The following ROR1 variants were observed in gnomAD, a reference collection of about 807,000 sequenced individuals.
ROR1 encodes the protein ROR family WNT receptor 1, also known as inactive tyrosine-protein kinase transmembrane receptor ROR1.
A neutral mutation model predicts 78.8 loss-of-function variants in ROR1; 19 were observed. The ratio of observed to expected loss-of-function variants is 0.24; its 90% CI spans 0.17 to 0.35. The LOEUF is 0.35. Ranked by LOEUF, ROR1 falls within the 10% of genes least tolerant of loss-of-function variation. ROR1 has a pLI of 1.00. For missense variants in ROR1, 917 were observed against 1,177.8 expected (o/e 0.78, Z 3.24); for synonymous variants, 386 against 433.6 (o/e 0.89, Z 1.36).
chr1:64,092,212 C>T (rs1365551687), intron 4 of ROR1, among the ~76,000 whole-genome samples: 1 of 150,176 alleles, frequency 6.7e-6, no homozygotes, highest in Admixed American at 6.8e-5. Context: ...AAGAAAGAAA[C>T]TTCACAGAGA....
chr1:63,856,145 A>G (rs954185916), intron 1 of ROR1, among the ~76,000 whole-genome samples: 3 of 149,622 alleles, frequency 2.0e-5, no homozygotes, highest in Non-Finnish European at 4.4e-5. Context: ...GTAATTTTTG[A>G]TTAGATGCCA....
At chr1:63,828,530 GT>G (rs1644968758) in intron 1 of ROR1, among the ~76,000 whole-genome samples, 1 of 152,104 alleles carries the variant, frequency 6.6e-6, no homozygotes. Flanking sequence ...TTCACTACCT[GT>G]TTTTTCATTT....
At chr1:64,081,878 G>C (rs1328199338) in intron 4 of ROR1, among the ~76,000 whole-genome samples, 1 of 151,454 alleles carries the variant, frequency 6.6e-6, no homozygotes, top group East Asian at 1.9e-4. Context: ...ATAGAAAAAA[G>C]TCTGGAGGGA....
At chr1:63,784,660 C>T (rs1249340151) in intron 1 of ROR1, among the ~76,000 whole-genome samples, 4 of 152,172 alleles carry the variant, frequency 2.6e-5, no homozygotes, top group African/African-American at 9.7e-5. Flanking sequence ...CTCACTACTG[C>T]TCTGCCAGGT....
intron 1 of ROR1, among the ~76,000 whole-genome samples, chr1:63,950,232 T>G (rs1645923980): frequency 6.6e-6 from 1 of 152,174 alleles, no homozygotes; most frequent in Admixed American, 6.5e-5. Flanking sequence ...ATTAAAGGAA[T>G]AAAAGAATGA....
rs561416676 is a variant in ROR1, at chr1:63,998,697, C to A, written c.92-10608C>A. ...GTACATTAGGCTAACCCTCCATTCC[C>A]AGCAGATATTTATGTTGCTAGGGAA... On this transcript the variant is annotated intron_variant, in intron 1 of 8. Transcript: ENST00000371079. 3.9e-5 allele frequency among the ~76,000 whole-genome samples: 6 copies of A among 152,254 alleles called. No homozygotes were observed. In the East Asian group the frequency reaches 9.7e-4, roughly 25 times the overall value.
intron 1 of ROR1, among the ~76,000 whole-genome samples, chr1:63,931,813 T>C (rs764567925): frequency 1.3e-5 from 2 of 152,322 alleles, no homozygotes; most frequent in Middle Eastern, 3.4e-3. Context: ...GCAAGAGTAG[T>C]GATGCTGGCA....
At chr1:64,157,566 G>A (rs921878604) in intron 7 of ROR1, among the ~76,000 whole-genome samples, 14 of 152,126 alleles carry the variant, frequency 9.2e-5, no homozygotes, top group Non-Finnish European at 2.1e-4. Context: ...TAACTGATAT[G>A]CCATATCTCA....
intron 1 of ROR1, among the ~76,000 whole-genome samples, chr1:64,002,371 A>ATCCT (rs1161326531): frequency 1.3e-5 from 2 of 152,032 alleles, no homozygotes; most frequent in Non-Finnish European, 2.9e-5. Context: ...TGACCTTGTG[A>ATCCT]TCCTAGCCTC....
intron 4 of ROR1, among the ~76,000 whole-genome samples, chr1:64,076,195 C>T (rs993928221): frequency 1.3e-5 from 2 of 152,162 alleles, no homozygotes; most frequent in African/African-American, 2.4e-5. Context: ...CAAATCAAAG[C>T]CCCAACCTCT....
intron 1 of ROR1, among the ~76,000 whole-genome samples, chr1:63,931,889 T>C (rs926458809): frequency 6.6e-6 from 1 of 152,214 alleles, no homozygotes. Flanking sequence ...AATTTATAAA[T>C]GATACTTTAT....
intron 4 of ROR1, among the ~76,000 whole-genome samples, chr1:64,089,057 C>CT (rs1308801749): frequency 6.6e-6 from 1 of 151,482 alleles, no homozygotes; most frequent in East Asian, 1.9e-4. Flanking sequence ...TATTATAATA[C>CT]TTTTATTGGT....
chr1:63,851,518 T>G (rs1171824769), intron 1 of ROR1, among the ~76,000 whole-genome samples: 1 of 152,202 alleles, frequency 6.6e-6, no homozygotes, highest in Non-Finnish European at 1.5e-5. Context: ...TGCAAAATTC[T>G]AATCTAATTA....
At chr1:64,092,355 G>C (rs1647206431) in intron 4 of ROR1, among the ~76,000 whole-genome samples, 1 of 152,150 alleles carries the variant, frequency 6.6e-6, no homozygotes, top group African/African-American at 2.4e-5. Context: ...CCTGGCTTTA[G>C]CTTTGGTCTC....
intron 1 of ROR1, among the ~76,000 whole-genome samples, chr1:63,938,105 T>A (rs909340665): frequency 2.0e-5 from 3 of 152,138 alleles, no homozygotes; most frequent in African/African-American, 7.2e-5. Context: ...ATCCGTGGGT[T>A]CTGGATCCAT....
chr1:63,943,821 A>C (rs984204928), intron 1 of ROR1, among the ~76,000 whole-genome samples: 2 of 152,256 alleles, frequency 1.3e-5, no homozygotes, highest in Non-Finnish European at 2.9e-5. Flanking sequence ...TAGAAAAGTT[A>C]TGATAATGCA....
rs12038329 is a variant in ROR1, at chr1:63,871,766, C to A, written c.91+97258C>A. ...ACTATGTTCATTTTCCCATGCTTATCCCTACTGGAGACTGATGGGTTTACA... is the reference window on the plus strand; with the variant it reads ...ACTATGTTCATTTTCCCATGCTTATACCTACTGGAGACTGATGGGTTTACA... On this transcript the variant is annotated intron_variant, in intron 1 of 8. Transcript: ENST00000371079. 1.4e-3 allele frequency among the ~76,000 whole-genome samples: 208 copies of A among 152,308 alleles called. 2 individuals carry two copies. In the East Asian group the frequency reaches 0.033, roughly 24 times the overall value.
intron 2 of ROR1, among the ~76,000 whole-genome samples, chr1:64,017,749 C>T (rs2100553033): frequency 6.6e-6 from 1 of 152,268 alleles, no homozygotes. Flanking sequence ...GCATAGAACC[C>T]CACCTCCATC....
rs865903382 is a variant in ROR1, at chr1:63,846,150, G to A, written c.91+71642G>A. ...TGTGTGTGTGTGTGTGTGTGTGTGT[G>A]TGTGTGTGTGTGTGTGTGTGTTTGA... On this transcript the variant is annotated intron_variant, in intron 1 of 8. Transcript: ENST00000371079. Among the ~76,000 whole-genome samples, 9 of 119,862 alleles carry A rather than the reference G, an allele frequency of 7.5e-5. 1 individual carries two copies. The highest frequency in any genetic ancestry group is 2.6e-4 in the African/African-American group (9 of 33,980). The allele number at this position is 119,862 out of a possible 152,430, so 78.6% of individuals were successfully genotyped here.
Sources: allele counts gnomAD v4.1 joint callset (sites outside exome capture counted in the v4.1 genomes callset), GRCh38; gene constraint gnomAD v4.1.1; transcripts MANE v1.5; gene names NCBI Gene and HGNC (gene_info 2026-07-23, HGNC 2026-07-21).